Variants in PKMYT1 observed in about 807,000 individuals in gnomAD.
PKMYT1 encodes membrane-associated tyrosine- and threonine-specific cdc2-inhibitory kinase.
PKMYT1 carries 35 observed loss-of-function variants against 49.7 expected under a neutral mutation model. That is an observed-to-expected ratio of 0.70 (90% CI 0.54 to 0.93). The LOEUF (loss-of-function observed/expected upper bound fraction) is 0.93, where lower values mean the gene tolerates loss of function less well. Among genes scored for constraint, PKMYT1 ranks in the 40% least tolerant of loss-of-function variants. The probability of loss-of-function intolerance (pLI) is 0.00; values close to 1 mark genes in which losing one functional copy is unlikely to be tolerated. For synonymous variants in PKMYT1, 331 were observed against 287.6 expected (o/e 1.15, Z -1.53); for missense variants, 677 against 673.1 (o/e 1.01, Z -0.06).
chr16:2,979,549 GT>G lies in PKMYT1; in HGVS notation c.10+98del. 3 of 965,528 alleles carry G rather than the reference GT, an allele frequency of 3.1e-6. No individual in the cohort carries two copies. In the Admixed American group the frequency reaches 5.1e-5, roughly 17 times the overall value. 59.8% of individuals were successfully genotyped at this position (965,528 alleles called of 1,614,324 possible). ...GGTGTTGGGATCCTGGAGGTCACTG[GT>G]CACAAGCACAGCCTCCAGGCCCAAC... On this transcript the variant is annotated intron_variant, in intron 2 of 8. Transcript: ENST00000262300.
At chr16:2,974,468 T>C (rs1417741110) in intron 5 of PKMYT1, 51 bp from the exon 6 acceptor site, 9 of 1,566,006 alleles carry the variant, frequency 5.7e-6, no homozygotes, top group Non-Finnish European at 7.0e-6. Flanking sequence ...GACTGCACCC[T>C]GAGCCCAGCA....
Position 2,974,562 on chromosome 16 carries a change from CAG to C in PKMYT1, c.965_966del (p.Pro322ArgfsTer111), listed in dbSNP as rs759349129. 5.3e-5 allele frequency: 84 copies of C among 1,575,440 alleles called. No homozygotes were observed. Among genetic ancestry groups the C allele is most frequent in the Middle Eastern group, 3.4e-4 (2 of 5,970 alleles). On this transcript the variant is annotated frameshift_variant, in exon 5 of 9. Coordinates refer to ENST00000262300, the MANE Select transcript of PKMYT1 (RefSeq NM_004203.5). LOFTEE classifies it high-confidence loss of function. ...CTCACCTACTCACCGGCAGTGAACTCAGGGGGCAGGTAGCCCTGGCGCAGCTG... is the reference window on the plus strand; with the variant it reads ...CTCACCTACTCACCGGCAGTGAACTCGGGGCAGGTAGCCCTGGCGCAGCTG... ...WQQLRQGYLP[P>X]EFTAGLSSEL...
chr16:2,978,779 C>T (rs926771689), intron 2 of PKMYT1, among the ~76,000 whole-genome samples: 15 of 148,626 alleles, frequency 1.0e-4, no homozygotes, highest in African/African-American at 3.7e-4. Context: ...TGGATTGGAC[C>T]GTGGAACACT....
In PKMYT1 at chr16:2,973,230, G is replaced by A. The variant is rs779914335; in HGVS notation, c.1311-15C>T. On this transcript the variant is annotated splice_polypyrimidine_tract_variant and intron_variant, in intron 7 of 8. Transcript: ENST00000262300. ...AGAGTGAAGGCCTGCAGGAGGGCAG[G>A]CGAGACAAGGAGGGTGTCCAGGGCT... 2.2e-5 allele frequency: 33 copies of A among 1,486,220 alleles called. No individual in the cohort carries two copies. Among genetic ancestry groups the A allele is most frequent in the Non-Finnish European group, 3.0e-5 (33 of 1,114,316 alleles). 92.1% of individuals were successfully genotyped at this position (1,486,220 alleles called of 1,614,324 possible).
intron 4 of PKMYT1, 116 bp from the exon 5 acceptor site, chr16:2,974,772 G>A (rs377612005): frequency 5.6e-5 from 38 of 673,630 alleles, no homozygotes; most frequent in East Asian, 4.6e-4. Flanking sequence ...ATCAGTCAGG[G>A]AGGGGCGGAA....
At chr16:2,974,701 G>A (rs2072134416) in intron 4 of PKMYT1, 45 bp from the exon 5 acceptor site, 7 of 1,329,980 alleles carry the variant, frequency 5.3e-6, no homozygotes, top group Non-Finnish European at 6.3e-6. Context: ...GGTTGGCCCT[G>A]GGACACAGAC....
At chr16:2,973,511 T>C in intron 7 of PKMYT1, 1 of 1,348,862 alleles carries the variant, frequency 7.4e-7, no homozygotes, top group South Asian at 1.3e-5. Context: ...TTGTCTGCTA[T>C]CAAGTGCCCC....
intron 1 of PKMYT1, 88 bp from the exon 2 acceptor site, chr16:2,980,000 C>A: frequency 2.9e-6 from 1 of 347,008 alleles, no homozygotes; most frequent in Non-Finnish European, 5.5e-6. Context: ...GGGGCTGTCA[C>A]GGAGGAAGGA....
At position 2,973,219 on chromosome 16, in the gene PKMYT1, C is replaced by T. The variant is rs758296418; in HGVS notation, c.1311-4G>A. On this transcript the variant is annotated splice_polypyrimidine_tract_variant and splice_region_variant and intron_variant, in intron 7 of 8. Coordinates refer to ENST00000262300, the MANE Select transcript of PKMYT1 (RefSeq NM_004203.5). ...AGCCTCAGGGGAGAGTGAAGGCCTG[C>T]AGGAGGGCAGGCGAGACAAGGAGGG... 2.0e-6 allele frequency: 3 copies of T among 1,493,586 alleles called. No individual in the cohort carries two copies. Among genetic ancestry groups the T allele is most frequent in the Non-Finnish European group, 2.7e-6 (3 of 1,118,184 alleles). 92.5% of individuals were successfully genotyped at this position (1,493,586 alleles called of 1,614,324 possible). A position where few individuals can be genotyped will look rare whatever the true frequency, so the allele number is the denominator to read the frequency against.
chr16:2,976,607 G>A (rs2072200351), intron 3 of PKMYT1, 57 bp downstream of exon 3: 2 of 1,407,428 alleles, frequency 1.4e-6, no homozygotes, highest in Non-Finnish European at 1.9e-6. Flanking sequence ...GCCAAGGGAG[G>A]TGCAGAAACA....
intron 3 of PKMYT1, 99 bp downstream of exon 3, chr16:2,976,565 G>A: frequency 1.6e-6 from 2 of 1,227,320 alleles, no homozygotes; most frequent in Non-Finnish European, 2.2e-6. Flanking sequence ...GTAGGGAACG[G>A]AAGGGGATCA....
At position 2,973,031 on chromosome 16, in the gene PKMYT1, C is replaced by T. The variant is rs749052402; in HGVS notation, c.1422G>A (p.Glu474=). Residue 474 remains glutamate (E), a synonymous_variant, in exon 9 of 9, where the codon GAG becomes GAA. Coordinates refer to ENST00000262300, the MANE Select transcript of PKMYT1 (RefSeq NM_004203.5). ...AGGAGGGGAAGGAGCCCCGAGGAGGCTCTGAGTTGATGTCACTTAGGTCCA... is the reference window on the plus strand; with the variant it reads ...AGGAGGGGAAGGAGCCCCGAGGAGGTTCTGAGTTGATGTCACTTAGGTCCA... ...DALDLSDINS[E]PPRGSFPSFE... 14 of 1,609,278 alleles carry T rather than the reference C, an allele frequency of 8.7e-6. No individual in the cohort carries two copies. Among genetic ancestry groups the T allele is most frequent in the Non-Finnish European group, 9.3e-6 (11 of 1,178,738 alleles).
intron 3 of PKMYT1, 127 bp downstream of exon 3, chr16:2,976,537 G>A: frequency 1.1e-6 from 1 of 912,850 alleles, no homozygotes; most frequent in Admixed American, 3.4e-5. Flanking sequence ...GAGCCTGTGA[G>A]CCCAGCAGGG....
At position 2,975,561 on chromosome 16, in the gene PKMYT1, G is replaced by A. The variant is rs777250172; in HGVS notation, c.630C>T (p.Val210=). The A allele has an allele frequency of 1.9e-6, 3 of 1,611,950 alleles. No homozygotes were observed. Among genetic ancestry groups the A allele is most frequent in the South Asian group, 1.1e-5 (1 of 91,052 alleles). The change falls in exon 4 of 9, where the codon GTC becomes GTT. Residue 210 remains valine, a synonymous_variant. Transcript: ENST00000262300. ...GCAGCGTGTCCCGCAGGTAGCCCCA[G>A]ACCTGGGCCTCAGGCAGGCTGGCAC... ...AWGASLPEAQ[V]WGYLRDTLLA...
chr16:2,975,344 A>T lies in PKMYT1; in HGVS notation c.847T>A (p.Tyr283Asn). 6.2e-7 allele frequency: 1 copy of T among 1,612,670 alleles called. No individual in the cohort carries two copies. Among genetic ancestry groups the T allele is most frequent in the African/African-American group, 1.3e-5 (1 of 75,038 alleles). The change falls in exon 4 of 9, where the codon TAT (tyrosine) becomes AAT (asparagine). Residue 283 changes from tyrosine (Y) to asparagine (N), a missense_variant. Coordinates refer to ENST00000262300, the MANE Select transcript of PKMYT1 (RefSeq NM_004203.5). Reference sequence around the variant, plus strand: ...CTGAACACATCCGCTGCTGTCCCATAGGAGCCCTGCAGCAGCTCGGGGGCC... The same window carrying T: ...CTGAACACATCCGCTGCTGTCCCATTGGAGCCCTGCAGCAGCTCGGGGGCC... ...YMAPELLQGS[Y>N]GTAADVFSLG...
At position 2,974,550 on chromosome 16, in the gene PKMYT1, C is replaced by G; in HGVS notation, c.979G>C (p.Gly327Arg). The G allele has an allele frequency of 6.4e-7, 1 of 1,566,296 alleles. No individual in the cohort carries two copies. Among genetic ancestry groups the G allele is most frequent in the East Asian group, 2.3e-5 (1 of 43,460 alleles). The change falls in exon 5 of 9, where the codon GGT (glycine) becomes CGT (arginine). Residue 327 changes from glycine to arginine, a missense_variant and splice_region_variant. By Grantham distance (125) the Gly-to-Arg change is moderately radical. Coordinates refer to ENST00000262300, the MANE Select transcript of PKMYT1 (RefSeq NM_004203.5). ...CCCCCTCCCGCCCTCACCTACTCAC[C>G]GGCAGTGAACTCAGGGGGCAGGTAG... Reference protein sequence around the residue: ...QGYLPPEFTAGLSSELRSVLV... With the variant: ...QGYLPPEFTARLSSELRSVLV...
At position 2,973,032 on chromosome 16, in the gene PKMYT1, T is replaced by C. The variant is rs1477310500; in HGVS notation, c.1421A>G (p.Glu474Gly). Reference protein sequence around the residue: ...DALDLSDINSEPPRGSFPSFE... With the variant: ...DALDLSDINSGPPRGSFPSFE... ...GGAGGGGAAGGAGCCCCGAGGAGGC[T>C]CTGAGTTGATGTCACTTAGGTCCAG... is the stretch of plus-strand genomic sequence containing the variant. Residue 474 changes from glutamate (E) to glycine (G), a missense_variant, in exon 9 of 9, where the codon GAG becomes GGG. Physicochemically the swap from Glu to Gly is moderately conservative, Grantham distance 98. Coordinates refer to ENST00000262300, the MANE Select transcript of PKMYT1 (RefSeq NM_004203.5). The C allele has an allele frequency of 6.2e-7, 1 of 1,609,110 alleles. No individual in the cohort carries two copies. The highest frequency in any genetic ancestry group is 1.3e-5 in the African/African-American group (1 of 75,006).
Position 2,980,318 on chromosome 16 carries a change from G to A in PKMYT1, c.-288C>T, listed in dbSNP as rs1165722491. 3 of 152,496 alleles carry A rather than the reference G, an allele frequency of 2.0e-5. No homozygotes were observed. Among genetic ancestry groups the A allele is most frequent in the African/African-American group, 4.8e-5 (2 of 41,466 alleles). The allele number at this position is 152,496 out of a possible 1,614,324, so 9.4% of individuals were successfully genotyped here. ...GACTGGGCGGGGCGCGGGTCCGCGA[G>A]GGCCCAGATTCCGGGTCCGCGGAGG... On this transcript the variant is annotated 5_prime_UTR_variant, in exon 1 of 9. Transcript: ENST00000262300.
intron 1 of PKMYT1, 76 bp from the exon 2 acceptor site, chr16:2,979,988 C>T: frequency 2.6e-6 from 1 of 389,594 alleles, no homozygotes; most frequent in Non-Finnish European, 4.8e-6. Context: ...TGTCCCGGGG[C>T]AGGGGCTGTC....
Sources: gnomAD v4.1 joint callset for allele counts (sites outside exome capture counted in the v4.1 genomes callset) on GRCh38, gnomAD v4.1.1 for gene constraint, MANE v1.5 for transcripts, NCBI Gene and HGNC (gene_info 2026-07-23, HGNC 2026-07-21) for gene names.